IFT74: variants seen among roughly 807,000 people sequenced by gnomAD.
IFT74 encodes intraflagellar transport 74, also known as intraflagellar transport protein 74 homolog.
A neutral mutation model predicts 96.7 loss-of-function variants in IFT74; 92 were observed. The observed-to-expected ratio is 0.95, with a 90% CI of 0.80 to 1.13. The LOEUF (loss-of-function observed/expected upper bound fraction) is 1.13. IFT74 is among the 50% of genes most tolerant of loss of function. IFT74 has a pLI of 0.00. For missense variants in IFT74, 811 were observed against 698.2 expected (o/e 1.16, Z -1.82); for synonymous variants, 223 against 213.2 (o/e 1.05, Z -0.40).
intron 8 of IFT74, chr9:26,993,507 A>G (rs1226406646): frequency 1.3e-5 from 2 of 152,522 alleles, no homozygotes; most frequent in African/African-American, 2.4e-5. Context: ...CAGGTATATC[A>G]TCCTAGTTTT....
chr9:26,948,451 T>TTATTATTA (rs1563926466), intron 1 of IFT74, among the ~76,000 whole-genome samples: 18 of 22,246 alleles, frequency 8.1e-4, no homozygotes, highest in African/African-American at 4.9e-3. Context: ...TTCCATTATT[T>TTATTATTA]TTTTTTTTTT....
rs772856683 is a variant in IFT74, at chr9:27,062,662, A to G, written c.1729A>G (p.Lys577Glu). 7 of 1,610,012 alleles carry G rather than the reference A, an allele frequency of 4.3e-6. No homozygotes were observed. In the South Asian group the frequency reaches 4.4e-5, roughly 10 times the overall value. Reference sequence around the variant, plus strand: ...AGAGAGTGATTACCAGCCAATTAAGAAAAATGTGACCAAGCAGATTGCAGA... The same window carrying G: ...AGAGAGTGATTACCAGCCAATTAAGGAAAATGTGACCAAGCAGATTGCAGA... ...SQESDYQPIK[K>E]NVTKQIAEYN... The change falls in exon 20 of 20, where the codon AAA becomes GAA. Residue 577 changes from lysine to glutamate, a missense_variant. Physicochemically the swap from Lys to Glu is moderately conservative, Grantham distance 56 (BLOSUM62 1). Transcript: ENST00000380062.
chr9:26,972,823 G>A (rs1291730520), intron 2 of IFT74, among the ~76,000 whole-genome samples: 1 of 152,132 alleles, frequency 6.6e-6, no homozygotes, highest in African/African-American at 2.4e-5. Flanking sequence ...TTCGGGCTCT[G>A]TATATTGAAG....
At chr9:26,962,652 T>C (rs1418716389) in intron 2 of IFT74, among the ~76,000 whole-genome samples, 1 of 152,232 alleles carries the variant, frequency 6.6e-6, no homozygotes, top group Non-Finnish European at 1.5e-5. Context: ...ATCAGAATTC[T>C]ACATAGCTTA....
chr9:26,960,111 A>T (rs922176980), intron 1 of IFT74, among the ~76,000 whole-genome samples: 1 of 152,160 alleles, frequency 6.6e-6, no homozygotes, highest in African/African-American at 2.4e-5. Flanking sequence ...TGGACATTTC[A>T]GTTTTCATCT....
chr9:26,958,819 G>C (rs1328288241), intron 1 of IFT74, among the ~76,000 whole-genome samples: 1 of 152,170 alleles, frequency 6.6e-6, no homozygotes, highest in Non-Finnish European at 1.5e-5. Flanking sequence ...GGATAAGGGG[G>C]CCCAAGGGGA....
At chr9:26,950,237 G>A (rs936649862) in intron 1 of IFT74, among the ~76,000 whole-genome samples, 5 of 151,936 alleles carry the variant, frequency 3.3e-5, no homozygotes, top group East Asian at 1.9e-4. Context: ...ACTTGAACCC[G>A]GGAGGGGGAG....
chr9:26,976,295 C>T (rs1397355530), intron 2 of IFT74, among the ~76,000 whole-genome samples: 2 of 152,230 alleles, frequency 1.3e-5, no homozygotes, highest in African/African-American at 2.4e-5. Context: ...AGCTTGAAGT[C>T]GTAAAGAAAG....
In IFT74 at chr9:27,063,491, G is replaced by T. The variant is rs1235228832; in HGVS notation, c.*755G>T. On this transcript the variant is annotated 3_prime_UTR_variant, in exon 20 of 20. Coordinates refer to ENST00000380062, the MANE Select transcript of IFT74 (RefSeq NM_025103.4). ...TTTATAAACATTAGCCAGAATATTT[G>T]GGGAAAAAAGCTAGAAGAGGTAGGA... 6.6e-6 allele frequency among the ~76,000 whole-genome samples: 1 copy of T among 151,990 alleles called. No individual in the cohort carries two copies. The highest frequency in any genetic ancestry group is 2.4e-5 in the African/African-American group (1 of 41,418).
At chr9:26,969,533 A>G (rs894485027) in intron 2 of IFT74, among the ~76,000 whole-genome samples, 1 of 151,886 alleles carries the variant, frequency 6.6e-6, no homozygotes, top group Non-Finnish European at 1.5e-5. Flanking sequence ...GCTAATATGT[A>G]TCTTTTAAGT....
Position 26,988,759 on chromosome 9 carries a change from A to G in IFT74, c.525+31A>G, listed in dbSNP as rs778214449. 1.2e-5 allele frequency: 18 copies of G among 1,474,288 alleles called. 1 individual carries two copies. The highest frequency in any genetic ancestry group is 1.1e-4 in the South Asian group (9 of 81,090). The allele number at this position is 1,474,288 out of a possible 1,614,324, so 91.3% of individuals were successfully genotyped here. On this transcript the variant is annotated intron_variant, in intron 7 of 19. Transcript: ENST00000380062. The stretch of plus-strand genomic sequence containing the variant: ...AAAATTTATAAAAGCAAATTGATCT[A>G]TGTAAGTCATATCCTACAAAACAAA...
In IFT74 at chr9:27,056,522, A is replaced by C. The variant is rs961996064; in HGVS notation, c.1623+63A>C. The C allele has an allele frequency of 5.6e-6, 8 of 1,429,244 alleles. No individual in the cohort carries two copies. In the African/African-American group the frequency reaches 1.2e-4, roughly 21 times the overall value. The allele number at this position is 1,429,244 out of a possible 1,614,324, so 88.5% of individuals were successfully genotyped here. A position where few individuals can be genotyped will look rare whatever the true frequency, so the allele number is the denominator to read the frequency against. ...TCTATATTTTCACCCCAAAACAATC[A>C]ATTTTTTATTTTAAAATTTGCTTTA... is the stretch of plus-strand genomic sequence containing the variant. On this transcript the variant is annotated intron_variant, in intron 18 of 19. Coordinates refer to ENST00000380062, the MANE Select transcript of IFT74 (RefSeq NM_025103.4).
At chr9:26,947,139 G>C in exon 1 of IFT74, 3 of 1,367,740 alleles carry the variant, frequency 2.2e-6, no homozygotes, top group South Asian at 3.2e-5. Flanking sequence ...CGGGAGAAGA[G>C]CCTGCAGGTA....
intron 12 of IFT74, among the ~76,000 whole-genome samples, chr9:27,022,238 T>A (rs1829643249): frequency 6.6e-6 from 1 of 152,200 alleles, no homozygotes; most frequent in Non-Finnish European, 1.5e-5. Context: ...CTCATAGTCC[T>A]TATAGTGTAG....
At chr9:26,989,193 A>G (rs1372849756) in intron 7 of IFT74, among the ~76,000 whole-genome samples, 4 of 152,174 alleles carry the variant, frequency 2.6e-5, no homozygotes, top group Non-Finnish European at 5.9e-5. Context: ...ACATGGACAT[A>G]ACACTGGGGA....
intron 12 of IFT74, among the ~76,000 whole-genome samples, chr9:27,019,174 C>A (rs911817225): frequency 2.0e-5 from 3 of 152,032 alleles, no homozygotes; most frequent in Admixed American, 1.3e-4. Context: ...CCAGGCTAGT[C>A]TCCAGCTCCT....
chr9:26,965,307 C>T (rs571850527), intron 2 of IFT74, among the ~76,000 whole-genome samples: 1 of 152,138 alleles, frequency 6.6e-6, no homozygotes, highest in Non-Finnish European at 1.5e-5. Context: ...AATACTCAAC[C>T]TCCTACAGTA....
intron 8 of IFT74, among the ~76,000 whole-genome samples, chr9:27,002,529 C>T (rs1828555924): frequency 6.6e-6 from 1 of 152,176 alleles, no homozygotes; most frequent in Non-Finnish European, 1.5e-5. Flanking sequence ...TTTTCTAGCA[C>T]CATTTATTGA....
chr9:27,029,901 C>G (rs1830043914), intron 13 of IFT74, among the ~76,000 whole-genome samples: 1 of 152,110 alleles, frequency 6.6e-6, no homozygotes, highest in South Asian at 2.1e-4. Context: ...AATGAAGTAG[C>G]AAAGACTGAT....
Sources: gnomAD v4.1 joint callset for allele counts (sites outside exome capture counted in the v4.1 genomes callset) on GRCh38, gnomAD v4.1.1 for gene constraint, MANE v1.5 for transcripts, NCBI Gene and HGNC (gene_info 2026-07-23, HGNC 2026-07-21) for gene names.